The following GRM8 variants were observed in gnomAD, a reference collection of about 807,000 sequenced individuals.
GRM8 encodes the protein metabotropic glutamate receptor 8.
A neutral mutation model predicts 87.2 loss-of-function variants in GRM8; 47 were observed. That is an observed-to-expected ratio of 0.54 (90% CI 0.43 to 0.69). The LOEUF is 0.69. Ranked by LOEUF, GRM8 falls within the 30% of genes least tolerant of loss-of-function variation. The pLI is 0.00. For synonymous variants in GRM8, 396 were observed against 404.5 expected (o/e 0.98, Z 0.25); for missense variants, 1,019 against 1,139.2 (o/e 0.89, Z 1.52).
chr7:127,065,200 C>A (rs557154780), intron 3 of GRM8, among the ~76,000 whole-genome samples: 3 of 152,096 alleles, frequency 2.0e-5, no homozygotes, highest in Non-Finnish European at 4.4e-5. Flanking sequence ...AAAAAAGAAC[C>A]AGATCATGTT....
In GRM8 at chr7:126,533,516, A is replaced by G; in HGVS notation, c.1866T>C (p.Ser622=). 6.2e-7 allele frequency: 1 copy of G among 1,614,138 alleles called. No homozygotes were observed. The highest frequency in any genetic ancestry group is 8.5e-7 in the Non-Finnish European group (1 of 1,180,012). ...GAAAAATCCCCGTTAGGAGCACGTAACTAAGTTCGCGTCCTGAAGCCCTCA... is the reference window on the plus strand; with the variant it reads ...GAAAAATCCCCGTTAGGAGCACGTAGCTAAGTTCGCGTCCTGAAGCCCTCA... ...PIVRASGREL[S]YVLLTGIFLC... The change falls in exon 9 of 11, where the codon AGT becomes AGC. Residue 622 remains serine (S), a synonymous_variant. Coordinates refer to ENST00000339582, the MANE Select transcript of GRM8 (RefSeq NM_000845.3).
At chr7:127,238,066 A>G (rs571744942) in intron 2 of GRM8, among the ~76,000 whole-genome samples, 6 of 152,210 alleles carry the variant, frequency 3.9e-5, no homozygotes, top group East Asian at 3.9e-4. Flanking sequence ...AAACTACACA[A>G]TCTCTTATGG....
intron 7 of GRM8, among the ~76,000 whole-genome samples, chr7:126,719,125 C>A (rs890282515): frequency 3.3e-5 from 5 of 152,032 alleles, no homozygotes; most frequent in Admixed American, 2.6e-4. Flanking sequence ...AACTCCAGAT[C>A]TTTTTTTACC....
chr7:127,170,957 C>T (rs530152192), intron 2 of GRM8, among the ~76,000 whole-genome samples: 1 of 152,104 alleles, frequency 6.6e-6, no homozygotes, highest in Non-Finnish European at 1.5e-5. Context: ...ATTCATGTAA[C>T]CAAACACCAT....
At chr7:126,814,474 T>G (rs990746008) in intron 6 of GRM8, among the ~76,000 whole-genome samples, 3 of 152,072 alleles carry the variant, frequency 2.0e-5, no homozygotes, top group African/African-American at 4.8e-5. Context: ...ACAGAAAAAC[T>G]TAAACAGAAT....
chr7:126,700,080 T>C (rs1214857908), intron 7 of GRM8, among the ~76,000 whole-genome samples: 1 of 152,158 alleles, frequency 6.6e-6, no homozygotes, highest in African/African-American at 2.4e-5. Context: ...AGATAGTTCA[T>C]AGGGTTATTT....
At chr7:127,127,647 T>C (rs1360192283) in intron 2 of GRM8, among the ~76,000 whole-genome samples, 1 of 152,082 alleles carries the variant, frequency 6.6e-6, no homozygotes, top group Non-Finnish European at 1.5e-5. Context: ...AAGAGGACTG[T>C]AAATGGCACA....
chr7:126,649,290 G>A (rs1429871764), intron 7 of GRM8, among the ~76,000 whole-genome samples: 1 of 152,050 alleles, frequency 6.6e-6, no homozygotes, highest in Non-Finnish European at 1.5e-5. Context: ...TAATATGGGT[G>A]GCCACCATCT....
At chr7:126,660,219 T>C (rs888360748) in intron 7 of GRM8, among the ~76,000 whole-genome samples, 2 of 152,216 alleles carry the variant, frequency 1.3e-5, no homozygotes, top group African/African-American at 2.4e-5. Flanking sequence ...CTTAATCTTA[T>C]GATCTATTCT....
chr7:126,472,880 A>T (rs376749312), intron 9 of GRM8, among the ~76,000 whole-genome samples: 2 of 152,328 alleles, frequency 1.3e-5, no homozygotes, highest in East Asian at 3.9e-4. Flanking sequence ...CCATTGCTTC[A>T]GAGGGTACAA....
intron 7 of GRM8, among the ~76,000 whole-genome samples, chr7:126,740,214 A>C (rs1814786665): frequency 6.6e-6 from 1 of 152,100 alleles, no homozygotes; most frequent in Non-Finnish European, 1.5e-5. Context: ...CTGTTTACCT[A>C]GCTCCTGAAC....
At chr7:127,097,775 T>C (rs1824816389) in intron 3 of GRM8, among the ~76,000 whole-genome samples, 1 of 152,184 alleles carries the variant, frequency 6.6e-6, no homozygotes, top group Non-Finnish European at 1.5e-5. Context: ...ATCTCATAAT[T>C]GAAAAAGAGG....
chr7:126,685,316 C>T lies in GRM8; in HGVS notation c.1358-75818G>A, dbSNP rs771248624. Among the ~76,000 whole-genome samples, 3 of 152,076 alleles carry T rather than the reference C, an allele frequency of 2.0e-5. No homozygotes were observed. Among genetic ancestry groups the T allele is most frequent in the Non-Finnish European group, 2.9e-5 (2 of 67,988 alleles). On this transcript the variant is annotated intron_variant, in intron 7 of 10. Transcript: ENST00000339582. This position sits in a 1 kb window ranked among gnomAD's most constrained non-coding sequence, Gnocchi z 4.2. ...CAGAGGGGTGACCAGAGAGGGGACTCGAGGCGGAGCCGGGCCTGGGGTGGT... is the reference window on the plus strand; with the variant it reads ...CAGAGGGGTGACCAGAGAGGGGACTTGAGGCGGAGCCGGGCCTGGGGTGGT...
intron 6 of GRM8, among the ~76,000 whole-genome samples, chr7:126,897,667 C>G (rs71576302): frequency 0.15 from 22,347 of 151,764 alleles, 1,860 homozygotes; most frequent in Non-Finnish European, 0.2. Context: ...TTTTTCTTCT[C>G]GAGAAAGACA....
chr7:126,477,561 GAGAAAGAAAGAAAGAAAGAGAGAA>G (rs1394450276), intron 9 of GRM8, among the ~76,000 whole-genome samples: 156 of 114,458 alleles, frequency 1.4e-3, no homozygotes, highest in African/African-American at 4.5e-3. Context: ...GGAGAAGTAA[GAGAAAGAAAGAAAGAAAGAGAGAA>G]AGAAAGAAAG....
chr7:127,050,618 G>A (rs1025836752), intron 3 of GRM8, among the ~76,000 whole-genome samples: 2 of 152,300 alleles, frequency 1.3e-5, no homozygotes, highest in East Asian at 1.9e-4. Flanking sequence ...CAGAGAAGCC[G>A]AAGCATGCAA....
intron 2 of GRM8, among the ~76,000 whole-genome samples, chr7:127,172,397 A>T (rs1793860766): frequency 6.6e-6 from 1 of 152,126 alleles, no homozygotes; most frequent in Non-Finnish European, 1.5e-5. Flanking sequence ...ATATATATGA[A>T]GTCCAGTAAA....
intron 7 of GRM8, among the ~76,000 whole-genome samples, chr7:126,700,652 G>A (rs1416132727): frequency 6.6e-6 from 1 of 152,068 alleles, no homozygotes; most frequent in East Asian, 1.9e-4. Flanking sequence ...TCCCAATTTA[G>A]TTCACCCTGA....
chr7:127,231,882 T>TTTA (rs1554616342), intron 2 of GRM8, among the ~76,000 whole-genome samples: 1 of 151,312 alleles, frequency 6.6e-6, no homozygotes, highest in African/African-American at 2.4e-5. Context: ...CTTTTTTTTT[T>TTTA]AAACAATTGA....
Sources: allele counts gnomAD v4.1 joint callset (sites outside exome capture counted in the v4.1 genomes callset), GRCh38; gene constraint gnomAD v4.1.1; non-coding constraint Gnocchi (gnomAD v3.1); transcripts MANE v1.5; gene names NCBI Gene and HGNC (gene_info 2026-07-23, HGNC 2026-07-21).